CFAP299: variants seen among roughly 807,000 people sequenced by gnomAD.
The protein encoded by CFAP299 is cilia and flagella associated protein 299.
In CFAP299, 21 loss-of-function variants were observed where a neutral mutation model predicts 27.0. The observed-to-expected ratio is 0.78, with a 90% CI of 0.55 to 1.12. The LOEUF (loss-of-function observed/expected upper bound fraction) is 1.12, where lower values mean the gene tolerates loss of function less well. CFAP299 is among the 50% of genes most tolerant of loss of function. CFAP299 has a pLI of 0.00. For synonymous variants in CFAP299, 104 were observed against 98.1 expected (o/e 1.06, Z -0.36); for missense variants, 310 against 276.6 (o/e 1.12, Z -0.86).
intron 3 of CFAP299, among the ~76,000 whole-genome samples, chr4:80,680,619 G>A (rs960198803): frequency 2.6e-5 from 4 of 152,072 alleles, no homozygotes; most frequent in African/African-American, 9.7e-5. Context: ...GATGAGGAAA[G>A]ACTGAAGAAA....
At chr4:80,494,297 C>A (rs1731319741) in intron 2 of CFAP299, among the ~76,000 whole-genome samples, 1 of 152,210 alleles carries the variant, frequency 6.6e-6, no homozygotes, top group African/African-American at 2.4e-5. Flanking sequence ...ATCTTCCCAC[C>A]AGCTCTTCGC....
chr4:80,833,313 T>C (rs1478791869), intron 3 of CFAP299, among the ~76,000 whole-genome samples: 1 of 152,160 alleles, frequency 6.6e-6, no homozygotes, highest in African/African-American at 2.4e-5. Context: ...ATAGTTCACA[T>C]GAACAGTTGT....
intron 5 of CFAP299, among the ~76,000 whole-genome samples, chr4:80,950,095 A>G (rs981359460): frequency 4.6e-5 from 7 of 152,094 alleles, no homozygotes; most frequent in African/African-American, 1.2e-4. Context: ...CTATCTAGAA[A>G]AGTTTTTGAG....
At chr4:80,794,967 A>C (rs1007527212) in intron 3 of CFAP299, among the ~76,000 whole-genome samples, 2 of 152,272 alleles carry the variant, frequency 1.3e-5, no homozygotes, top group African/African-American at 4.8e-5. Context: ...GTGGAAGCCC[A>C]TGTTGCTGAG....
At chr4:80,871,035 C>A in intron 4 of CFAP299, 1 of 441,342 alleles carries the variant, frequency 2.3e-6, no homozygotes, top group Non-Finnish European at 3.0e-6. Flanking sequence ...GCCTCCCATG[C>A]AGCTGGGACT....
intron 2 of CFAP299, among the ~76,000 whole-genome samples, chr4:80,425,645 G>C (rs1727496241): frequency 6.6e-6 from 1 of 152,200 alleles, no homozygotes; most frequent in African/African-American, 2.4e-5. Flanking sequence ...AGGGAAACTT[G>C]CCTTTAGCAA....
chr4:80,910,293 A>C (rs557743416), intron 4 of CFAP299, among the ~76,000 whole-genome samples: 1 of 152,176 alleles, frequency 6.6e-6, no homozygotes, highest in South Asian at 2.1e-4. Context: ...AATGCTAAAA[A>C]CAGAACTACC....
At chr4:80,702,799 A>G (rs924634098) in intron 3 of CFAP299, among the ~76,000 whole-genome samples, 20 of 151,854 alleles carry the variant, frequency 1.3e-4, no homozygotes, top group African/African-American at 4.6e-4. Flanking sequence ...TTATGTAACA[A>G]ATGTCAGAAA....
chr4:80,664,408 G>C (rs944047770), intron 3 of CFAP299, among the ~76,000 whole-genome samples: 3 of 152,146 alleles, frequency 2.0e-5, no homozygotes, highest in African/African-American at 7.2e-5. Flanking sequence ...CATGACTGGG[G>C]TTGCTGCCTT....
At chr4:80,821,419 T>C (rs1190212591) in intron 3 of CFAP299, among the ~76,000 whole-genome samples, 2 of 152,156 alleles carry the variant, frequency 1.3e-5, no homozygotes, top group Admixed American at 1.3e-4. Context: ...ACCTCCCTCA[T>C]TTTTGGAAAA....
chr4:80,413,424 A>G (rs1726831016), intron 2 of CFAP299, among the ~76,000 whole-genome samples: 1 of 152,238 alleles, frequency 6.6e-6, no homozygotes, highest in South Asian at 2.1e-4. Flanking sequence ...AGCTAGGTAG[A>G]CAGAAACTAA....
At chr4:80,649,399 A>G (rs1181301172) in intron 3 of CFAP299, among the ~76,000 whole-genome samples, 1 of 152,142 alleles carries the variant, frequency 6.6e-6, no homozygotes, top group Non-Finnish European at 1.5e-5. Flanking sequence ...TTTGAAATAT[A>G]CACATTTTGG....
At chr4:80,370,360 A>G (rs1724075976) in intron 2 of CFAP299, among the ~76,000 whole-genome samples, 1 of 152,154 alleles carries the variant, frequency 6.6e-6, no homozygotes, top group African/African-American at 2.4e-5. Flanking sequence ...GGGCTCCCCA[A>G]ATCTCATGTC....
At chr4:80,389,258 C>T (rs191079876) in intron 2 of CFAP299, among the ~76,000 whole-genome samples, 1 of 152,186 alleles carries the variant, frequency 6.6e-6, no homozygotes, top group East Asian at 1.9e-4. Flanking sequence ...TCATTCCTAC[C>T]TAGTATTACA....
At chr4:80,855,254 T>A (rs1297719251) in intron 3 of CFAP299, among the ~76,000 whole-genome samples, 1 of 152,142 alleles carries the variant, frequency 6.6e-6, no homozygotes, top group African/African-American at 2.4e-5. Context: ...TTTCTGAAGT[T>A]AGTATTTTTC....
intron 1 of CFAP299, among the ~76,000 whole-genome samples, chr4:80,336,927 A>T (rs368103883): frequency 4.6e-5 from 7 of 152,212 alleles, no homozygotes; most frequent in African/African-American, 1.7e-4. Flanking sequence ...GTGGATTGAC[A>T]CTTTTGGACT....
chr4:80,643,841 G>A (rs947695440), intron 3 of CFAP299, among the ~76,000 whole-genome samples: 3 of 152,122 alleles, frequency 2.0e-5, no homozygotes, highest in Non-Finnish European at 4.4e-5. Context: ...TTTATAATGA[G>A]CTTAAAAGAG....
At chr4:80,937,291 CTTTTTTCTTT>C (rs1338057987) in intron 4 of CFAP299, among the ~76,000 whole-genome samples, 33 of 86,186 alleles carry the variant, frequency 3.8e-4, no homozygotes, top group South Asian at 8.1e-4. Context: ...TATCATTTTT[CTTTTTTCTTT>C]TTTTTTCTTT....
intron 4 of CFAP299, among the ~76,000 whole-genome samples, chr4:80,906,803 G>A (rs568561103): frequency 6.6e-6 from 1 of 152,218 alleles, no homozygotes; most frequent in African/African-American, 2.4e-5. Context: ...GGGACCCTGG[G>A]CCTTATCCAC....
Sources: gnomAD v4.1 joint callset for allele counts (sites outside exome capture counted in the v4.1 genomes callset) on GRCh38, gnomAD v4.1.1 for gene constraint, MANE v1.5 for transcripts, NCBI Gene and HGNC (gene_info 2026-07-23, HGNC 2026-07-21) for gene names.